The following AKAP8L variants were observed in gnomAD, a reference collection of about 807,000 sequenced individuals.
The protein encoded by AKAP8L is A-kinase anchoring protein 8 like, also known as A-kinase anchor protein 8-like.
A neutral mutation model predicts 77.5 loss-of-function variants in AKAP8L; 34 were observed. The observed-to-expected ratio is 0.44, with a 90% CI of 0.33 to 0.58. The LOEUF (loss-of-function observed/expected upper bound fraction) is 0.58, where lower values mean the gene tolerates loss of function less well. Among genes scored for constraint, AKAP8L ranks in the 20% least tolerant of loss-of-function variants. The pLI is 0.02. For missense variants in AKAP8L, 806 were observed against 887.6 expected (o/e 0.91, Z 1.17); for synonymous variants, 342 against 340.7 (o/e 1.00, Z -0.04).
intron 1 of AKAP8L, among the ~76,000 whole-genome samples, chr19:15,413,017 G>A (rs913434766): frequency 2.0e-5 from 3 of 152,186 alleles, no homozygotes; most frequent in South Asian, 4.1e-4. Flanking sequence ...CTGGGTAAGC[G>A]TTCTCTTATT....
In AKAP8L at chr19:15,417,098, C is replaced by T. The variant is rs183679392; in HGVS notation, c.13+1813G>A. 1.2e-4 allele frequency among the ~76,000 whole-genome samples: 18 copies of T among 152,212 alleles called. No homozygotes were observed. In the East Asian group the frequency reaches 2.9e-3, roughly 24 times the overall value. Reference sequence around the variant, plus strand: ...GCCCACCCAAACCCAGAACTACAGCCTACAAGACCTAGAGCTGGAATTCAG... The same window carrying T: ...GCCCACCCAAACCCAGAACTACAGCTTACAAGACCTAGAGCTGGAATTCAG... On this transcript the variant is annotated intron_variant, in intron 1 of 13. Coordinates refer to ENST00000397410, the MANE Select transcript of AKAP8L (RefSeq NM_014371.4).
chr19:15,415,757 G>A (rs1422750984), intron 1 of AKAP8L, among the ~76,000 whole-genome samples: 7 of 152,026 alleles, frequency 4.6e-5, no homozygotes, highest in Admixed American at 4.6e-4. Flanking sequence ...GTGGTGGCGG[G>A]CACCTGTAGT....
chr19:15,404,760 C>G (rs1967964545), intron 2 of AKAP8L, among the ~76,000 whole-genome samples: 1 of 152,190 alleles, frequency 6.6e-6, no homozygotes. Flanking sequence ...CCGCAGAGGA[C>G]ATGCTCATCC....
rs1413064804 is a variant in AKAP8L, at chr19:15,380,204, C to T, written c.1859G>A (p.Gly620Glu). The T allele has an allele frequency of 6.6e-7, 1 of 1,508,240 alleles. No individual in the cohort carries two copies. Among genetic ancestry groups the T allele is most frequent in the Non-Finnish European group, 8.8e-7 (1 of 1,136,926 alleles). The allele number at this position is 1,508,240 out of a possible 1,614,324, so 93.4% of individuals were successfully genotyped here. Residue 620 changes from glycine (G) to glutamate (E), a missense_variant, in exon 14 of 14, where the codon GGA (glycine) becomes GAA (glutamate). By Grantham distance (98) the Gly-to-Glu change is moderately conservative. Coordinates refer to ENST00000397410, the MANE Select transcript of AKAP8L (RefSeq NM_014371.4). ...EEEEGAVPLL[G>E]GALQRQIRGI... ...GCGGATCTGGCGTTGCAGCGCCCCT[C>T]CCAGCAAGGGCACGGCGCCCTCCTC...
intron 1 of AKAP8L, among the ~76,000 whole-genome samples, chr19:15,412,500 C>G (rs1968123948): frequency 6.6e-6 from 1 of 151,518 alleles, no homozygotes; most frequent in Admixed American, 6.6e-5. Flanking sequence ...CTGACACTTG[C>G]TTTAAAACTA....
intron 1 of AKAP8L, 92 bp downstream of exon 1, chr19:15,418,819 C>T (rs1183564944): frequency 7.3e-6 from 10 of 1,362,522 alleles, no homozygotes; most frequent in South Asian, 1.2e-5. Flanking sequence ...AGTGACGGGG[C>T]CCCAGGGGAG....
At chr19:15,400,246 G>A (rs768051820) in intron 8 of AKAP8L, 49 bp downstream of exon 8, 3 of 1,597,186 alleles carry the variant, frequency 1.9e-6, no homozygotes, top group East Asian at 4.5e-5. Context: ...CTCCCACTGT[G>A]AGCCCCTGGA....
intron 12 of AKAP8L, among the ~76,000 whole-genome samples, chr19:15,387,612 A>G (rs2145110507): frequency 6.6e-6 from 1 of 152,272 alleles, no homozygotes; most frequent in Admixed American, 6.5e-5. Context: ...CCAGTGAAAT[A>G]GCTAAGAACA....
intron 12 of AKAP8L, among the ~76,000 whole-genome samples, chr19:15,385,625 A>T (rs1345226296): frequency 6.6e-6 from 1 of 152,004 alleles, no homozygotes; most frequent in Non-Finnish European, 1.5e-5. Context: ...TTTGAGACAG[A>T]GTCTTGCTCT....
intron 12 of AKAP8L, among the ~76,000 whole-genome samples, chr19:15,390,429 A>G (rs1967637131): frequency 6.6e-6 from 1 of 152,036 alleles, no homozygotes; most frequent in African/African-American, 2.4e-5. Flanking sequence ...AAAAAAAAAA[A>G]AAAAAAAAAT....
intron 1 of AKAP8L, among the ~76,000 whole-genome samples, chr19:15,412,883 T>A (rs970102491): frequency 1.3e-5 from 2 of 152,192 alleles, no homozygotes; most frequent in African/African-American, 4.8e-5. Context: ...AGCACTGAAA[T>A]TACGACAGAT....
intron 1 of AKAP8L, among the ~76,000 whole-genome samples, chr19:15,417,479 C>T (rs1266593303): frequency 6.6e-6 from 1 of 152,132 alleles, no homozygotes; most frequent in Non-Finnish European, 1.5e-5. Flanking sequence ...CCTCCATCCA[C>T]TAGATACCAG....
chr19:15,400,691 G>A lies in AKAP8L; in HGVS notation c.984+103C>T, dbSNP rs566911705. 37 of 1,377,108 alleles carry A rather than the reference G, an allele frequency of 2.7e-5. No individual in the cohort carries two copies. In the East Asian group the frequency reaches 5.8e-4, roughly 22 times the overall value. The allele number at this position is 1,377,108 out of a possible 1,614,324, so 85.3% of individuals were successfully genotyped here. On this transcript the variant is annotated intron_variant, in intron 7 of 13. Coordinates refer to ENST00000397410, the MANE Select transcript of AKAP8L (RefSeq NM_014371.4). The stretch of plus-strand genomic sequence containing the variant: ...CCTCCCCATGCTGGTCACCATGCAC[G>A]CAGAGCTGACACAGCATTGCCTCTG...
intron 2 of AKAP8L, 99 bp downstream of exon 2, chr19:15,410,421 A>T (rs1475519211): frequency 6.6e-6 from 7 of 1,055,278 alleles, no homozygotes; most frequent in Admixed American, 2.3e-5. Flanking sequence ...GTTTAGGTTT[A>T]AAAAAGCATG....
intron 12 of AKAP8L, among the ~76,000 whole-genome samples, chr19:15,395,983 C>CAGAAAA (rs1452398542): frequency 2.5e-5 from 1 of 40,502 alleles, no homozygotes; most frequent in Non-Finnish European, 4.4e-5. Context: ...GACTCCGTCT[C>CAGAAAA]AAAAAAAAAA....
intron 12 of AKAP8L, among the ~76,000 whole-genome samples, chr19:15,384,987 T>C (rs1411848778): frequency 6.6e-6 from 1 of 151,820 alleles, no homozygotes; most frequent in Non-Finnish European, 1.5e-5. Flanking sequence ...TCTCTTTTTT[T>C]TTTTTTTTGA....
chr19:15,381,684 G>A (rs1967421459), intron 12 of AKAP8L, among the ~76,000 whole-genome samples: 2 of 151,362 alleles, frequency 1.3e-5, no homozygotes, highest in African/African-American at 4.9e-5. Context: ...CATCATACAT[G>A]CTCACAATAA....
intron 2 of AKAP8L, among the ~76,000 whole-genome samples, chr19:15,407,851 TCTCA>T (rs1181455204): frequency 6.6e-6 from 1 of 152,230 alleles, no homozygotes; most frequent in East Asian, 1.9e-4. Context: ...TCCAAGGCTC[TCTCA>T]CTCAAAATCT....
At position 15,410,531 on chromosome 19, in the gene AKAP8L, G is replaced by A; in HGVS notation, c.77C>T (p.Thr26Ile). Residue 26 changes from threonine (T) to isoleucine (I), a missense_variant, in exon 2 of 14, where the codon ACC becomes ATC. By Grantham distance (89) the Thr-to-Ile change is moderately conservative. Coordinates refer to ENST00000397410, the MANE Select transcript of AKAP8L (RefSeq NM_014371.4). ...STYSDTSAQP[T>I]CDYGYGTWNS... Reference sequence around the variant, plus strand: ...AAGTCCACACTTACCATAATCACAGGTGGGCTGAGCGCTGGTATCCGAGTA... The same window carrying A: ...AAGTCCACACTTACCATAATCACAGATGGGCTGAGCGCTGGTATCCGAGTA... The A allele has an allele frequency of 1.3e-6, 2 of 1,583,236 alleles. No individual in the cohort carries two copies. Among genetic ancestry groups the A allele is most frequent in the Non-Finnish European group, 1.7e-6 (2 of 1,164,484 alleles).
Sources: gnomAD v4.1 joint callset for allele counts (sites outside exome capture counted in the v4.1 genomes callset) on GRCh38, gnomAD v4.1.1 for gene constraint, MANE v1.5 for transcripts, NCBI Gene and HGNC (gene_info 2026-07-23, HGNC 2026-07-21) for gene names.